The following SERPINB7 variants were observed in gnomAD, a reference collection of about 807,000 sequenced individuals.
SERPINB7 encodes the protein serpin B7.
In SERPINB7, 31 loss-of-function variants were observed where a neutral mutation model predicts 37.4. The ratio of observed to expected loss-of-function variants is 0.83; its 90% CI spans 0.62 to 1.12. The LOEUF is 1.12. Among genes scored for constraint, SERPINB7 ranks in the 50% most tolerant of loss-of-function variants. SERPINB7 has a pLI of 0.00. For missense variants in SERPINB7, 521 were observed against 455.3 expected (o/e 1.14, Z -1.31); for synonymous variants, 163 against 166.1 (o/e 0.98, Z 0.14).
At chr18:63,759,632 T>C (rs2049141510) in intron 1 of SERPINB7, among the ~76,000 whole-genome samples, 1 of 152,150 alleles carries the variant, frequency 6.6e-6, no homozygotes, top group Admixed American at 6.6e-5. Flanking sequence ...TTTGGCTGTG[T>C]CTCCACCCAA....
chr18:63,787,549 C>T (rs1284269299), intron 2 of SERPINB7, among the ~76,000 whole-genome samples: 1 of 152,118 alleles, frequency 6.6e-6, no homozygotes, highest in Non-Finnish European at 1.5e-5. Flanking sequence ...AGCATTATCT[C>T]AGAAAAGATG....
chr18:63,785,288 G>C (rs914854887), intron 2 of SERPINB7, among the ~76,000 whole-genome samples: 1 of 152,010 alleles, frequency 6.6e-6, no homozygotes, highest in East Asian at 1.9e-4. Context: ...AATGAATCCC[G>C]GCTCAATTTA....
Position 63,804,227 on chromosome 18 carries a change from A to C in SERPINB7, c.745-10A>C, listed in dbSNP as rs2049580107. On this transcript the variant is annotated splice_polypyrimidine_tract_variant and intron_variant, in intron 7 of 7. Coordinates refer to ENST00000398019, the MANE Select transcript of SERPINB7 (RefSeq NM_003784.4). ...TATGATTCTAAATTATCTCTGAATT[A>C]TTTTTACAGATTGAAAACAAACTGA... The C allele has an allele frequency of 2.0e-6, 3 of 1,524,724 alleles. No individual in the cohort carries two copies. The Admixed American group carries it at 6.5e-5, about 33-fold the overall frequency. The allele number at this position is 1,524,724 out of a possible 1,614,324, so 94.4% of individuals were successfully genotyped here. A position where few individuals can be genotyped will look rare whatever the true frequency, so the allele number is the denominator to read the frequency against.
chr18:63,775,733 T>G lies in SERPINB7; in HGVS notation c.-19+17T>G, dbSNP rs2049240992. The G allele has an allele frequency of 6.6e-6, 1 of 152,134 alleles. No individual in the cohort carries two copies. The highest frequency in any genetic ancestry group is 6.5e-5 in the Admixed American group (1 of 15,278). 9.4% of individuals were successfully genotyped at this position (152,134 alleles called of 1,614,324 possible). On this transcript the variant is annotated intron_variant, in intron 1 of 7. Transcript: ENST00000398019. ...GATGCTAGCGTGAGTACACTGTTGA[T>G]TTGCTTATCCAATTATTGATTTACA...
intron 1 of SERPINB7, among the ~76,000 whole-genome samples, chr18:63,753,384 G>A (rs1400166455): frequency 6.6e-6 from 1 of 151,960 alleles, no homozygotes; most frequent in Non-Finnish European, 1.5e-5. Flanking sequence ...CTATAACATT[G>A]GCCAACATAT....
At chr18:63,793,467 T>A (rs2049451383) in intron 4 of SERPINB7, among the ~76,000 whole-genome samples, 190 bp downstream of exon 4, 1 of 152,312 alleles carries the variant, frequency 6.6e-6, no homozygotes, top group Non-Finnish European at 1.5e-5. Context: ...TTAATCCACA[T>A]ATTCAGGTTC....
intron 1 of SERPINB7, among the ~76,000 whole-genome samples, chr18:63,778,819 T>C (rs1288718395): frequency 1.3e-5 from 2 of 152,170 alleles, no homozygotes; most frequent in Non-Finnish European, 2.9e-5. Flanking sequence ...CAGGCTGCCA[T>C]GGACTTTTAG....
chr18:63,795,903 T>G (rs187438295), intron 4 of SERPINB7, among the ~76,000 whole-genome samples: 3 of 152,150 alleles, frequency 2.0e-5, no homozygotes, highest in African/African-American at 7.2e-5. Flanking sequence ...TAATGTAGCC[T>G]TGAAAAATTT....
intron 7 of SERPINB7, among the ~76,000 whole-genome samples, chr18:63,801,260 A>C (rs1039598381): frequency 6.6e-6 from 1 of 152,230 alleles, no homozygotes; most frequent in Non-Finnish European, 1.5e-5. Context: ...AACTCTCTCA[A>C]ATGTCAGCTA....
At chr18:63,785,417 A>G (rs930856094) in intron 2 of SERPINB7, among the ~76,000 whole-genome samples, 3 of 152,150 alleles carry the variant, frequency 2.0e-5, no homozygotes, top group African/African-American at 7.2e-5. Flanking sequence ...ATCTTTTTAA[A>G]CAATCCTTCC....
chr18:63,784,246 T>C (rs2049342493), intron 2 of SERPINB7, among the ~76,000 whole-genome samples: 1 of 152,226 alleles, frequency 6.6e-6, no homozygotes, highest in South Asian at 2.1e-4. Context: ...TTCTCAACTT[T>C]GGCACTATTG....
chr18:63,767,618 G>T (rs1046341321), intron 1 of SERPINB7, among the ~76,000 whole-genome samples: 1 of 152,042 alleles, frequency 6.6e-6, no homozygotes, highest in African/African-American at 2.4e-5. Context: ...CTTCTTGGTT[G>T]TGATGTATTA....
intron 1 of SERPINB7, among the ~76,000 whole-genome samples, chr18:63,754,922 T>G (rs1337451557): frequency 8.1e-5 from 10 of 123,548 alleles, no homozygotes; most frequent in Admixed American, 6.8e-4. Flanking sequence ...AGACGGAGTC[T>G]CGCTCTGTCG....
intron 7 of SERPINB7, among the ~76,000 whole-genome samples, chr18:63,803,586 C>T (rs2049572864): frequency 1.3e-5 from 2 of 152,188 alleles, no homozygotes; most frequent in South Asian, 2.1e-4. Context: ...GATAAGGACT[C>T]TTCTAGCTGT....
intron 1 of SERPINB7, among the ~76,000 whole-genome samples, chr18:63,753,518 G>A (rs1256886499): frequency 6.6e-6 from 1 of 152,130 alleles, no homozygotes; most frequent in Admixed American, 6.5e-5. Flanking sequence ...ACCTGTGTCT[G>A]GGCTTTCTAT....
intron 2 of SERPINB7, among the ~76,000 whole-genome samples, chr18:63,790,732 G>A (rs899873403): frequency 6.6e-6 from 1 of 152,276 alleles, no homozygotes; most frequent in African/African-American, 2.4e-5. Flanking sequence ...GAGGGAAGGG[G>A]AGAAAGAAAG....
At chr18:63,777,235 G>A (rs2049257757) in intron 1 of SERPINB7, among the ~76,000 whole-genome samples, 1 of 151,992 alleles carries the variant, frequency 6.6e-6, no homozygotes, top group African/African-American at 2.4e-5. Context: ...TAATGAAAAT[G>A]TAATTGGTGT....
intron 1 of SERPINB7, among the ~76,000 whole-genome samples, chr18:63,755,360 G>A (rs2049116076): frequency 6.6e-6 from 1 of 152,054 alleles, no homozygotes; most frequent in Admixed American, 6.5e-5. Flanking sequence ...TTTATGAGAA[G>A]TCAAGAGCAA....
At chr18:63,795,925 G>GGAT (rs893855517) in intron 4 of SERPINB7, among the ~76,000 whole-genome samples, 5 of 152,176 alleles carry the variant, frequency 3.3e-5, no homozygotes, top group Admixed American at 2.6e-4. Context: ...CAGCAGGAAG[G>GGAT]GATGACACAG....
Sources: gnomAD v4.1 joint callset for allele counts (sites outside exome capture counted in the v4.1 genomes callset) on GRCh38, gnomAD v4.1.1 for gene constraint, MANE v1.5 for transcripts, NCBI Gene and HGNC (gene_info 2026-07-23, HGNC 2026-07-21) for gene names.